SHTN1: variants seen among roughly 807,000 people sequenced by gnomAD.
The protein encoded by SHTN1 is shootin 1, also known as shootin-1.
SHTN1 carries 42 observed loss-of-function variants against 83.1 expected under a neutral mutation model. The observed-to-expected ratio is 0.51, with a 90% confidence interval of 0.39 to 0.65. The LOEUF is 0.65. SHTN1 is among the 30% of genes least tolerant of loss of function. SHTN1 has a pLI of 0.00. For synonymous variants in SHTN1, 224 were observed against 247.7 expected, an observed-to-expected ratio of 0.90 and a Z score of 0.90; for missense variants, 622 against 737.8, an observed-to-expected ratio of 0.84 and a Z score of 1.82.
At chr10:117,048,662 G>C (rs1313685604) in intron 1 of SHTN1, among the ~76,000 whole-genome samples, 1 of 152,160 alleles carries the variant, frequency 6.6e-6, no homozygotes, top group African/African-American at 2.4e-5. Context: ...CGCCCACATT[G>C]AACTTCTGTA....
chr10:116,928,418 T>C (rs1018869987), intron 10 of SHTN1, among the ~76,000 whole-genome samples: 2 of 152,230 alleles, frequency 1.3e-5, no homozygotes, highest in African/African-American at 2.4e-5. Flanking sequence ...TTTGCTCTTT[T>C]GAAGAGATTT....
At chr10:116,990,047 C>T (rs913830766) in intron 1 of SHTN1, among the ~76,000 whole-genome samples, 9 of 152,102 alleles carry the variant, frequency 5.9e-5, no homozygotes, top group Admixed American at 5.2e-4. Context: ...ACAAAGGCAG[C>T]TCTCCCAAAT....
In SHTN1 at chr10:116,946,628, G is replaced by A. The variant is rs28428965; in HGVS notation, c.617-1610C>T. On this transcript the variant is annotated intron_variant, in intron 7 of 16. Transcript: ENST00000355371. ...TGATTTATATATAAATATATAAAAT[G>A]ATTTATATATAAATATATAAAATGA... is the stretch of plus-strand genomic sequence containing the variant. Among the ~76,000 whole-genome samples the A allele has an allele frequency of 3.7e-4, 25 of 67,584 alleles. 1 individual carries two copies. Among genetic ancestry groups the A allele is most frequent in the East Asian group, 1.5e-3 (3 of 1,992 alleles). 44.3% of individuals were successfully genotyped at this position (67,584 alleles called of 152,430 possible). A position where few individuals can be genotyped will look rare whatever the true frequency, so the allele number is the denominator to read the frequency against.
intron 9 of SHTN1, among the ~76,000 whole-genome samples, chr10:116,934,012 A>AT (rs927437046): frequency 6.1e-5 from 9 of 148,584 alleles, no homozygotes; most frequent in Admixed American, 1.3e-4. Context: ...TTTTGATGAG[A>AT]TTTTTTTTTC....
intron 1 of SHTN1, among the ~76,000 whole-genome samples, chr10:117,087,098 G>T (rs1358661127): frequency 6.6e-6 from 1 of 152,192 alleles, no homozygotes; most frequent in East Asian, 1.9e-4. Context: ...AAGGTTACCA[G>T]GGTCTGGATA....
chr10:116,894,312 C>G (rs545311626), intron 16 of SHTN1, among the ~76,000 whole-genome samples: 2 of 152,270 alleles, frequency 1.3e-5, no homozygotes, highest in Admixed American at 6.5e-5. Flanking sequence ...TGAACATTTT[C>G]TATTGAAATT....
chr10:117,029,223 G>A (rs1303184318), intron 2 of SHTN1, among the ~76,000 whole-genome samples: 1 of 152,076 alleles, frequency 6.6e-6, no homozygotes, highest in Admixed American at 6.5e-5. Flanking sequence ...CCTTTTTTAT[G>A]GCCAATGCCT....
At chr10:116,927,964 G>T in intron 10 of SHTN1, 73 bp from the exon 11 acceptor site, 1 of 1,518,030 alleles carries the variant, frequency 6.6e-7, no homozygotes, top group African/African-American at 1.4e-5. Flanking sequence ...GTGAAAAAAA[G>T]AACATAACCT....
chr10:116,911,795 T>A lies in SHTN1; in HGVS notation c.1354A>T (p.Ile452Leu). 6.2e-7 allele frequency: 1 copy of A among 1,611,348 alleles called. No homozygotes were observed. Among genetic ancestry groups the A allele is most frequent in the Middle Eastern group, 1.7e-4 (1 of 6,052 alleles). ...CESAVDELKG[I>L]LGTLNKSTSS... is the part of the protein sequence containing the mutation. ...AAACTGAAATCTATTCTTACCAGTA[T>A]TCCTTTTAGTTCATCCACTGCACTT... The change falls in exon 14 of 17, where the codon ATA becomes TTA. Residue 452 changes from isoleucine (I) to leucine (L), a missense_variant. Around this residue, in one of 3 missense-constraint regions of SHTN1, gnomAD observed 231 missense variants for 251.6 expected, o/e 0.92. Transcript: ENST00000355371.
rs571331854 is a variant in SHTN1 at position 117,084,779 on chromosome 10, G to C, written c.-188-36269C>G. ...GCCCGTCGGAAAAGCGCAGTATTTG[G>C]GTGGGAGTGACCCGATTTTCCAGGT... On this transcript the variant is annotated intron_variant, in intron 1 of 17. Coordinates refer to the SHTN1 transcript ENST00000392901. 2.0e-5 allele frequency among the ~76,000 whole-genome samples: 3 copies of C among 152,310 alleles called. No individual in the cohort carries two copies. In the South Asian group the frequency reaches 6.2e-4, roughly 32 times the overall value.
chr10:117,037,998 C>CAAAAAAAAAAAA (rs71013632), intron 2 of SHTN1, among the ~76,000 whole-genome samples: 1 of 75,484 alleles, frequency 1.3e-5, no homozygotes, highest in Non-Finnish European at 2.3e-5. Context: ...AGCGAGACTT[C>CAAAAAAAAAAAA]AAAAAAAAAA....
intron 1 of SHTN1, among the ~76,000 whole-genome samples, chr10:117,083,093 T>G (rs1398119533): frequency 7.3e-5 from 11 of 151,718 alleles, no homozygotes; most frequent in Middle Eastern, 3.4e-3. Context: ...GTTAGCTGGT[T>G]ATTTTGCTCG....
intron 2 of SHTN1, among the ~76,000 whole-genome samples, chr10:117,029,308 T>A (rs769533435): frequency 6.6e-6 from 1 of 152,246 alleles, no homozygotes; most frequent in East Asian, 1.9e-4. Flanking sequence ...TTGTTTCTGA[T>A]TTTACAGGCT....
Position 117,053,024 on chromosome 10 carries a change from A to AAAAAAAAAAAAAAAAAAAG in SHTN1, c.-188-4515_-188-4514insCTTTTTTTTTTTTTTTTTT, listed in dbSNP as rs1554934278. 1.4e-4 allele frequency among the ~76,000 whole-genome samples: 7 copies of AAAAAAAAAAAAAAAAAAAG among 51,334 alleles called. 1 individual carries two copies. The highest frequency in any genetic ancestry group is 3.4e-4 in the Non-Finnish European group (6 of 17,602). The allele number at this position is 51,334 out of a possible 152,430, so 33.7% of individuals were successfully genotyped here. On this transcript the variant is annotated intron_variant, in intron 1 of 17. Transcript: ENST00000392901. ...AACAGAGCAAGACTGTGTCTCAAAAAAAAAAAGAATTAAGAATTAAGTTGG... is the reference window on the plus strand; with the variant it reads ...AACAGAGCAAGACTGTGTCTCAAAAAAAAAAAAAAAAAAAAAAAGAAAAAAGAATTAAGAATTAAGTTGG...
chr10:116,998,293 T>A (rs897106799), intron 1 of SHTN1, among the ~76,000 whole-genome samples: 8 of 152,334 alleles, frequency 5.3e-5, no homozygotes, highest in African/African-American at 1.7e-4. Context: ...GGATGTTCTT[T>A]CCATCGGCTC....
At chr10:117,026,416 T>C (rs1466183583) in intron 2 of SHTN1, among the ~76,000 whole-genome samples, 1 of 103,360 alleles carries the variant, frequency 9.7e-6, no homozygotes, top group Non-Finnish European at 1.9e-5. Flanking sequence ...GAAATCCAGA[T>C]AGACTTCTTT....
intron 2 of SHTN1, among the ~76,000 whole-genome samples, chr10:117,038,827 A>C (rs1371091060): frequency 6.6e-6 from 1 of 152,246 alleles, no homozygotes; most frequent in African/African-American, 2.4e-5. Context: ...GCCAAAATCC[A>C]GAACACTGAC....
At chr10:116,981,389 A>G (rs573381414) in intron 1 of SHTN1, among the ~76,000 whole-genome samples, 22 of 152,332 alleles carry the variant, frequency 1.4e-4, no homozygotes, top group Non-Finnish European at 2.4e-4. Context: ...AGCTCTCTGC[A>G]CACCAGCTCT....
intron 9 of SHTN1, among the ~76,000 whole-genome samples, chr10:116,932,063 C>A (rs113666637): frequency 9.6e-4 from 147 of 152,338 alleles, no homozygotes; most frequent in Middle Eastern, 3.4e-3. Context: ...ACAAACCATA[C>A]TTCAAATTCT....
Sources: allele counts gnomAD v4.1 joint callset (sites outside exome capture counted in the v4.1 genomes callset), GRCh38; gene constraint gnomAD v4.1.1; regional missense constraint gnomAD v4.1.1; transcripts MANE v1.5; gene names NCBI Gene and HGNC (gene_info 2026-07-23, HGNC 2026-07-21).